GRIK1: variants seen among roughly 807,000 people sequenced by gnomAD.
GRIK1 encodes the protein glutamate ionotropic receptor kainate type subunit 1.
GRIK1 carries 69 observed loss-of-function variants against 105.7 expected under a neutral mutation model. The ratio of observed to expected loss-of-function variants is 0.65; its 90% CI spans 0.54 to 0.80. The LOEUF is 0.80. GRIK1 is among the 30% of genes least tolerant of loss of function. The pLI, the probability that GRIK1 is intolerant of heterozygous loss-of-function variation, is 0.00. For missense variants in GRIK1, 1,109 were observed against 1,167.3 expected, an observed-to-expected ratio of 0.95 and a Z score of 0.73; for synonymous variants, 438 against 431.3, an observed-to-expected ratio of 1.02 and a Z score of -0.19.
Position 29,731,523 on chromosome 21 carries a change from T to C in GRIK1, c.119-37460A>G, listed in dbSNP as rs1055263969. 8.5e-5 allele frequency among the ~76,000 whole-genome samples: 13 copies of C among 152,312 alleles called. No individual in the cohort carries two copies. In the East Asian group the frequency reaches 2.5e-3, roughly 29 times the overall value. ...GATACCACTTGCTTAAAATTTCCAT[T>C]GAGAGCTCTATTCTTGTCTATAGCT... On this transcript the variant is annotated intron_variant, in intron 1 of 17. Transcript: ENST00000327783.
chr21:29,615,597 C>T (rs978425101), intron 7 of GRIK1, among the ~76,000 whole-genome samples: 2 of 152,306 alleles, frequency 1.3e-5, no homozygotes, highest in South Asian at 2.1e-4. Context: ...GCATGAGCCA[C>T]GGCGCCTGGC....
chr21:29,870,576 C>T (rs1267818464), intron 1 of GRIK1, among the ~76,000 whole-genome samples: 11 of 151,682 alleles, frequency 7.3e-5, no homozygotes, highest in South Asian at 6.3e-4. Context: ...TGTTAAAATA[C>T]GCCATTTCAT....
At chr21:29,700,040 G>A (rs1601484953) in intron 1 of GRIK1, among the ~76,000 whole-genome samples, 2 of 152,154 alleles carry the variant, frequency 1.3e-5, no homozygotes, top group South Asian at 4.1e-4. Flanking sequence ...CTTCTAACAA[G>A]ATTCTGACTT....
At chr21:29,777,205 GT>G (rs1232696817) in intron 1 of GRIK1, among the ~76,000 whole-genome samples, 2 of 152,184 alleles carry the variant, frequency 1.3e-5, no homozygotes, top group East Asian at 3.8e-4. Context: ...GAGGATTGGG[GT>G]TCACCTAGAG....
intron 1 of GRIK1, among the ~76,000 whole-genome samples, chr21:29,712,079 T>TACACACACACAC (rs1340092106): frequency 2.0e-4 from 6 of 30,292 alleles, no homozygotes; most frequent in South Asian, 1.6e-3. Context: ...TATGTATACA[T>TACACACACACAC]ACATACACAC....
Position 29,557,805 on chromosome 21 carries a change from T to G in GRIK1, c.2357-2503A>C, listed in dbSNP as rs143144442. ...TGATATACCCATAGCAGGTGAGCAA[T>G]TAAGTGAACCAAGAGCACTTTGCTT... On this transcript the variant is annotated intron_variant, in intron 15 of 17. Coordinates refer to ENST00000327783, the MANE Select transcript of GRIK1 (RefSeq NM_001330994.2). 7.9e-5 allele frequency among the ~76,000 whole-genome samples: 12 copies of G among 152,224 alleles called. No individual in the cohort carries two copies. The East Asian group carries it at 2.1e-3, about 27-fold the overall frequency.
rs369002179 is a variant in GRIK1, at chr21:29,663,639, A to AT, written c.727-8777dup. Among the ~76,000 whole-genome samples the AT allele has an allele frequency of 8.6e-3, 1,309 of 152,132 alleles. 25 individuals carry two copies. Among genetic ancestry groups the AT allele is most frequent in the African/African-American group, 0.03 (1,225 of 41,494 alleles). On this transcript the variant is annotated intron_variant, in intron 4 of 17. Coordinates refer to ENST00000327783, the MANE Select transcript of GRIK1 (RefSeq NM_001330994.2). ...GGATAGTTTCTAAAATTTGTAACAGATTTTTTTTGGCTAAAAGGGTATATT... is the reference window on the plus strand; with the variant it reads ...GGATAGTTTCTAAAATTTGTAACAGATTTTTTTTTGGCTAAAAGGGTATATT...
At chr21:29,596,821 G>T (rs1434128226) in intron 8 of GRIK1, 7 of 506,642 alleles carry the variant, frequency 1.4e-5, no homozygotes, top group Non-Finnish European at 2.1e-5. Context: ...ACCAAGAAAT[G>T]CCTTAAAGTG....
At position 29,602,400 on chromosome 21, in the gene GRIK1, A is replaced by G. The variant is rs141850043; in HGVS notation, c.1099-3463T>C. Among the ~76,000 whole-genome samples, 407 of 152,360 alleles carry G rather than the reference A, an allele frequency of 2.7e-3. 3 individuals carry two copies. Among genetic ancestry groups the G allele is most frequent in the African/African-American group, 9.3e-3 (388 of 41,584 alleles). The stretch of plus-strand genomic sequence containing the variant: ...CATTTGGAAAATATCCATTTATTGA[A>G]TATCTTCTCTGTGCAGGGAAGTATG... On this transcript the variant is annotated intron_variant, in intron 7 of 17. Transcript: ENST00000327783.
At chr21:29,551,087 T>C (rs559544746) in intron 16 of GRIK1, among the ~76,000 whole-genome samples, 10 of 152,284 alleles carry the variant, frequency 6.6e-5, no homozygotes, top group African/African-American at 2.4e-4. Context: ...GGAACACTGG[T>C]CTGTCAAGAT....
chr21:29,894,166 TA>T (rs1359651480), intron 1 of GRIK1, among the ~76,000 whole-genome samples: 1 of 152,094 alleles, frequency 6.6e-6, no homozygotes, highest in African/African-American at 2.4e-5. Flanking sequence ...GATATATGTA[TA>T]TATGAGATGG....
intron 1 of GRIK1, among the ~76,000 whole-genome samples, chr21:29,781,173 A>G (rs776510390): frequency 6.6e-6 from 1 of 152,176 alleles, no homozygotes; most frequent in South Asian, 2.1e-4. Context: ...TCACAGATAT[A>G]TACACAAAAT....
intron 1 of GRIK1, among the ~76,000 whole-genome samples, chr21:29,847,255 C>G (rs1332220254): frequency 1.3e-5 from 2 of 152,140 alleles, no homozygotes; most frequent in Non-Finnish European, 2.9e-5. Context: ...CTGCCATCTT[C>G]TATTTCTTTT....
chr21:29,791,515 G>A (rs979100955), intron 1 of GRIK1, among the ~76,000 whole-genome samples: 1 of 152,020 alleles, frequency 6.6e-6, no homozygotes, highest in African/African-American at 2.4e-5. Context: ...GAAGTGGGGG[G>A]GGAATTTAAA....
chr21:29,588,141 A>AT (rs1297293212), intron 11 of GRIK1, among the ~76,000 whole-genome samples: 2 of 151,172 alleles, frequency 1.3e-5, no homozygotes, highest in Non-Finnish European at 3.0e-5. Flanking sequence ...CGCCTGGCTA[A>AT]TTTTTTGTAT....
intron 1 of GRIK1, among the ~76,000 whole-genome samples, chr21:29,785,590 C>A (rs1056961312): frequency 6.7e-6 from 1 of 149,436 alleles, no homozygotes; most frequent in South Asian, 2.1e-4. Context: ...AAAAAGCCCC[C>A]GAAAAACCCA....
chr21:29,588,801 TGC>T (rs757788075), intron 11 of GRIK1, 36 bp downstream of exon 11: 9 of 1,058,574 alleles, frequency 8.5e-6, no homozygotes, highest in Non-Finnish European at 1.3e-5. Flanking sequence ...CTTTCTCTTA[TGC>T]ATATTTTCAG....
intron 1 of GRIK1, among the ~76,000 whole-genome samples, chr21:29,840,525 T>C (rs1236743341): frequency 6.6e-6 from 1 of 152,152 alleles, no homozygotes; most frequent in Non-Finnish European, 1.5e-5. Flanking sequence ...ATCCCTGAAA[T>C]ACCCTTTCTA....
Position 29,589,596 on chromosome 21 carries a change from TA to T in GRIK1, c.1366-555del, listed in dbSNP as rs1474360895. ...GCCACCACGCCTGACTATTTTTTTG[TA>T]TTTTTTTTTAGTAGAGACGGGGTTT... On this transcript the variant is annotated intron_variant, in intron 10 of 17. Coordinates refer to ENST00000327783, the MANE Select transcript of GRIK1 (RefSeq NM_001330994.2). 3.9e-5 allele frequency among the ~76,000 whole-genome samples: 4 copies of T among 101,878 alleles called. No homozygotes were observed. In the East Asian group the frequency reaches 9.2e-4, roughly 24 times the overall value. The allele number at this position is 101,878 out of a possible 152,430, so 66.8% of individuals were successfully genotyped here. A position where few individuals can be genotyped will look rare whatever the true frequency, so the allele number is the denominator to read the frequency against.
Sources: gnomAD v4.1 joint callset for allele counts (sites outside exome capture counted in the v4.1 genomes callset) on GRCh38, gnomAD v4.1.1 for gene constraint, MANE v1.5 for transcripts, NCBI Gene and HGNC (gene_info 2026-07-23, HGNC 2026-07-21) for gene names.